Variants in ATP8A2 observed in about 807,000 individuals in gnomAD.
ATP8A2 encodes phospholipid-transporting ATPase IB.
ATP8A2 carries 100 observed loss-of-function variants against 165.6 expected under a neutral mutation model. The observed-to-expected ratio is 0.60, with a 90% CI of 0.51 to 0.71. The LOEUF (loss-of-function observed/expected upper bound fraction) is 0.71, where lower values mean the gene tolerates loss of function less well. Ranked by LOEUF, ATP8A2 falls within the 30% of genes least tolerant of loss-of-function variation. The probability of loss-of-function intolerance (pLI) is 0.00; values close to 1 mark genes in which losing one functional copy is unlikely to be tolerated. For missense variants in ATP8A2, 1,227 were observed against 1,479.5 expected (o/e 0.83, Z 2.80); for synonymous variants, 543 against 548.8 (o/e 0.99, Z 0.15).
chr13:25,979,275 T>G (rs1331172525), intron 35 of ATP8A2, among the ~76,000 whole-genome samples: 1 of 152,180 alleles, frequency 6.6e-6, no homozygotes, highest in African/African-American at 2.4e-5. Context: ...AATAGATTTA[T>G]TGGATTTTTG....
chr13:25,577,196 C>G, intron 20 of ATP8A2, 58 bp downstream of exon 20: 2 of 1,389,910 alleles, frequency 1.4e-6, no homozygotes, highest in Non-Finnish European at 2.0e-6. Flanking sequence ...GTTAATCTGC[C>G]GCTTTTCCTA....
chr13:26,013,712 T>G (rs1454338676), intron 36 of ATP8A2, among the ~76,000 whole-genome samples: 1 of 152,078 alleles, frequency 6.6e-6, no homozygotes, highest in African/African-American at 2.4e-5. Context: ...GAGACAGATT[T>G]ATGAACGTGA....
chr13:25,643,051 C>T (rs139548339), intron 24 of ATP8A2, among the ~76,000 whole-genome samples: 24 of 151,988 alleles, frequency 1.6e-4, no homozygotes, highest in Middle Eastern at 3.4e-3. Context: ...CATCATACAT[C>T]GGATCCTGTT....
chr13:25,608,422 T>C (rs895411675), intron 24 of ATP8A2, among the ~76,000 whole-genome samples: 2 of 152,266 alleles, frequency 1.3e-5, no homozygotes, highest in African/African-American at 4.8e-5. Flanking sequence ...GTATGTTCTC[T>C]ACTCTCAAGT....
At chr13:25,878,407 G>A (rs967419473) in intron 33 of ATP8A2, among the ~76,000 whole-genome samples, 6 of 152,082 alleles carry the variant, frequency 3.9e-5, no homozygotes, top group South Asian at 2.1e-4. Context: ...AATTCAGGGC[G>A]AGTCCATAGA....
rs185634515 is a variant in ATP8A2 at position 25,474,917 on chromosome 13, T to G, written c.221+5796T>G. 4.9e-3 allele frequency among the ~76,000 whole-genome samples: 743 copies of G among 152,064 alleles called. 6 individuals carry two copies. Among genetic ancestry groups the G allele is most frequent in the African/African-American group, 0.017 (722 of 41,500 alleles). ...GCAATCTCGGCTCACTGCAACCTCT[T>G]CCTCCTGGGTTCGAGCCTCAGCCTC... is the stretch of plus-strand genomic sequence containing the variant. On this transcript the variant is annotated intron_variant, in intron 2 of 36. Coordinates refer to ENST00000381655, the MANE Select transcript of ATP8A2 (RefSeq NM_016529.6).
intron 33 of ATP8A2, among the ~76,000 whole-genome samples, chr13:25,926,314 G>T (rs745408903): frequency 2.0e-5 from 3 of 152,002 alleles, no homozygotes; most frequent in Admixed American, 6.6e-5. Flanking sequence ...CCCATTCCAT[G>T]GCCCCTCCCC....
At chr13:25,452,286 C>T (rs1261132898) in intron 1 of ATP8A2, among the ~76,000 whole-genome samples, 8 of 152,336 alleles carry the variant, frequency 5.3e-5, no homozygotes, top group Admixed American at 2.6e-4. Flanking sequence ...CCTCTGGCAT[C>T]GTCCCACCAC....
chr13:25,540,540 A>T (rs1325016023), intron 8 of ATP8A2, 152 bp downstream of exon 8: 1 of 653,738 alleles, frequency 1.5e-6, no homozygotes, highest in East Asian at 2.7e-5. Flanking sequence ...GCCATTTATG[A>T]TGAGAGAGAA....
At chr13:25,419,607 G>A (rs1168314030) in intron 1 of ATP8A2, among the ~76,000 whole-genome samples, 1 of 152,048 alleles carries the variant, frequency 6.6e-6, no homozygotes, top group Non-Finnish European at 1.5e-5. Context: ...ATGCAAACAG[G>A]GAAGAGCCCC....
Position 26,011,059 on chromosome 13 carries a change from G to A in ATP8A2, c.3378-1472G>A, listed in dbSNP as rs58244543. On this transcript the variant is annotated intron_variant, in intron 35 of 36. Transcript: ENST00000381655. ...CAGGCTCCAGGCTCACTGATCGATC[G>A]GGGGCAGGGTACATGGGATTCAAGC... 1.3e-3 allele frequency among the ~76,000 whole-genome samples: 205 copies of A among 152,200 alleles called. 1 individual carries two copies. The highest frequency in any genetic ancestry group is 4.5e-3 in the African/African-American group (186 of 41,518).
chr13:25,397,435 A>G (rs2033465950), intron 1 of ATP8A2, among the ~76,000 whole-genome samples: 1 of 152,118 alleles, frequency 6.6e-6, no homozygotes, highest in Non-Finnish European at 1.5e-5. Context: ...CTGCTGGCCC[A>G]TGACCACAAC....
At chr13:25,737,535 T>TG (rs2043799296) in intron 25 of ATP8A2, among the ~76,000 whole-genome samples, 1 of 152,232 alleles carries the variant, frequency 6.6e-6, no homozygotes, top group Non-Finnish European at 1.5e-5. Context: ...GGTCACACTC[T>TG]ATCACCCAGG....
chr13:25,884,483 G>A (rs958826289), intron 33 of ATP8A2, among the ~76,000 whole-genome samples: 1 of 152,168 alleles, frequency 6.6e-6, no homozygotes, highest in South Asian at 2.1e-4. Context: ...TCATTAGCAG[G>A]CTCTTAGAAG....
chr13:25,502,148 T>C (rs117580887), intron 2 of ATP8A2, among the ~76,000 whole-genome samples: 331 of 152,352 alleles, frequency 2.2e-3, no homozygotes, highest in South Asian at 0.013. Flanking sequence ...ATGCTGGCTA[T>C]GATTTGGATC....
At chr13:25,568,653 T>C (rs2039384519) in intron 16 of ATP8A2, among the ~76,000 whole-genome samples, 1 of 152,106 alleles carries the variant, frequency 6.6e-6, no homozygotes. Context: ...GAGTTTCTGC[T>C]GGGGAAGATG....
rs142297729 is a variant in ATP8A2, at chr13:25,668,290, C to T, written c.2212-30883C>T. 2.0e-3 allele frequency among the ~76,000 whole-genome samples: 307 copies of T among 152,166 alleles called. 1 individual carries two copies. The highest frequency in any genetic ancestry group is 7.0e-3 in the African/African-American group (292 of 41,538). ...TTCTCCTTTATTTTAGTAATTTTGC[C>T]AAGCATAGCATTTTTGGTTAAGTTT... is the stretch of plus-strand genomic sequence containing the variant. On this transcript the variant is annotated intron_variant, in intron 24 of 36. Transcript: ENST00000381655.
rs953328799 is a variant in ATP8A2 at position 25,545,730 on chromosome 13, G to A, written c.891+2328G>A. Among the ~76,000 whole-genome samples, 3 of 152,112 alleles carry A rather than the reference G, an allele frequency of 2.0e-5. No individual in the cohort carries two copies. The East Asian group carries it at 5.8e-4, about 29-fold the overall frequency. On this transcript the variant is annotated intron_variant, in intron 10 of 36. Coordinates refer to ENST00000381655, the MANE Select transcript of ATP8A2 (RefSeq NM_016529.6). ...GCTCACTGCAACCTCAGCCTCCCAG[G>A]CTCAAGCCATCCTCCCACCTCAGCC...
chr13:25,898,528 G>A lies in ATP8A2; in HGVS notation c.3183+36120G>A, dbSNP rs767118856. 7.9e-5 allele frequency among the ~76,000 whole-genome samples: 12 copies of A among 152,322 alleles called. No individual in the cohort carries two copies. The East Asian group carries it at 9.7e-4, about 12-fold the overall frequency. ...TTCTCAGATCTCAAGCTGCGTGCTC[G>A]GAGAACCACTCCTCTCTTCAAAGCT... On this transcript the variant is annotated intron_variant, in intron 33 of 36. Transcript: ENST00000381655.
Sources: gnomAD v4.1 joint callset for allele counts (sites outside exome capture counted in the v4.1 genomes callset) on GRCh38, gnomAD v4.1.1 for gene constraint, MANE v1.5 for transcripts, NCBI Gene and HGNC (gene_info 2026-07-23, HGNC 2026-07-21) for gene names.